CDK5RAP2: variants seen among roughly 807,000 people sequenced by gnomAD.
CDK5RAP2 encodes CDK5 regulatory subunit associated protein 2, also known as CDK5 regulatory subunit-associated protein 2.
CDK5RAP2 carries 147 observed loss-of-function variants against 232.9 expected under a neutral mutation model. The observed-to-expected ratio is 0.63, with a 90% CI of 0.55 to 0.72. CDK5RAP2 has a LOEUF of 0.72. Among genes scored for constraint, CDK5RAP2 ranks in the 30% least tolerant of loss-of-function variants. The pLI is 0.00. For missense variants in CDK5RAP2, 2,195 were observed against 2,231.5 expected (o/e 0.98, Z 0.33); for synonymous variants, 833 against 833.7 (o/e 1.00, Z 0.01).
At chr9:120,467,329 A>T (rs1183570420) in intron 18 of CDK5RAP2, among the ~76,000 whole-genome samples, 1 of 152,184 alleles carries the variant, frequency 6.6e-6, no homozygotes, top group East Asian at 1.9e-4. Flanking sequence ...GCTCATCCAG[A>T]TGTGTGCCAT....
At position 120,400,834 on chromosome 9, in the gene CDK5RAP2, T is replaced by G. The variant is rs587783395; in HGVS notation, c.5359A>C (p.Lys1787Gln). ...CTGTAGGCCTCTTCCAGGGTCAGCT[T>G]GGCCGTGCTCACACTGCTCACAAAC... ...SKFVSSVSTA[K>Q]LTLEEAYRRL... is the part of the protein sequence containing the mutation. The change falls in exon 35 of 38, where the codon AAG (lysine) becomes CAG (glutamine). Residue 1787 changes from lysine to glutamine, a missense_variant. Coordinates refer to ENST00000349780, the MANE Select transcript of CDK5RAP2 (RefSeq NM_018249.6). The G allele has an allele frequency of 6.2e-7, 1 of 1,614,194 alleles. No homozygotes were observed. Among genetic ancestry groups the G allele is most frequent in the Middle Eastern group, 1.7e-4 (1 of 6,060 alleles).
rs748675436 is a variant in CDK5RAP2, at chr9:120,439,385, G to A, written c.3722+14C>T. 3.1e-6 allele frequency: 5 copies of A among 1,608,392 alleles called. No homozygotes were observed. Among genetic ancestry groups the A allele is most frequent in the Middle Eastern group, 1.7e-4 (1 of 6,028 alleles). ...TACAGGCTTAAACGGGGAGACGGCAGAGGTGGAACGTACCTGGGAGGTGAG... is the reference window on the plus strand; with the variant it reads ...TACAGGCTTAAACGGGGAGACGGCAAAGGTGGAACGTACCTGGGAGGTGAG... On this transcript the variant is annotated intron_variant, in intron 24 of 37. Coordinates refer to ENST00000349780, the MANE Select transcript of CDK5RAP2 (RefSeq NM_018249.6).
At chr9:120,558,644 G>A (rs1431613870) in intron 3 of CDK5RAP2, among the ~76,000 whole-genome samples, 1 of 152,072 alleles carries the variant, frequency 6.6e-6, no homozygotes, top group Non-Finnish European at 1.5e-5. Flanking sequence ...TTCCAGTCCT[G>A]AAATAAGCCA....
chr9:120,444,915 T>C (rs1162041656), intron 22 of CDK5RAP2, among the ~76,000 whole-genome samples: 1 of 152,240 alleles, frequency 6.6e-6, no homozygotes, highest in African/African-American at 2.4e-5. Flanking sequence ...TTAGATCATG[T>C]ACTTAGAGTG....
chr9:120,418,464 C>T (rs1036877761), intron 27 of CDK5RAP2, among the ~76,000 whole-genome samples: 2 of 152,154 alleles, frequency 1.3e-5, no homozygotes, highest in Admixed American at 6.5e-5. Context: ...CCTTCTGGTT[C>T]CTCAATCAAG....
At chr9:120,447,717 C>A (rs2036268865) in intron 22 of CDK5RAP2, among the ~76,000 whole-genome samples, 178 bp downstream of exon 22, 1 of 152,342 alleles carries the variant, frequency 6.6e-6, no homozygotes, top group Middle Eastern at 3.4e-3. Context: ...GCAATAGATT[C>A]ATTCTCCTTA....
chr9:120,508,151 T>C (rs1302799935), intron 12 of CDK5RAP2, among the ~76,000 whole-genome samples: 1 of 151,998 alleles, frequency 6.6e-6, no homozygotes, highest in Non-Finnish European at 1.5e-5. Context: ...AGAAAGCTTG[T>C]CAAAGTGCTC....
rs1588251203 is a variant in CDK5RAP2, at chr9:120,407,426, G to A, written c.4727-178C>T. Reference sequence around the variant, plus strand: ...AACAAAAATATTGGCAGACTTAATTGCTGCTATTCCACACGCTAAATAAGA... The same window carrying A: ...AACAAAAATATTGGCAGACTTAATTACTGCTATTCCACACGCTAAATAAGA... On this transcript the variant is annotated intron_variant, in intron 31 of 37. Coordinates refer to ENST00000349780, the MANE Select transcript of CDK5RAP2 (RefSeq NM_018249.6). 3 of 644,704 alleles carry A rather than the reference G, an allele frequency of 4.7e-6. No individual in the cohort carries two copies. In the Admixed American group the frequency reaches 7.0e-5, roughly 15 times the overall value. 39.9% of individuals were successfully genotyped at this position (644,704 alleles called of 1,614,324 possible). A position where few individuals can be genotyped will look rare whatever the true frequency, so the allele number is the denominator to read the frequency against.
At chr9:120,503,203 T>C (rs995264169) in intron 12 of CDK5RAP2, among the ~76,000 whole-genome samples, 3 of 152,222 alleles carry the variant, frequency 2.0e-5, no homozygotes, top group Admixed American at 6.5e-5. Context: ...CTGAAATTAA[T>C]TTATCATTTC....
rs1024465590 is a variant in CDK5RAP2, at chr9:120,403,776, T to C, written c.5041+260A>G. 4.8e-5 allele frequency: 25 copies of C among 519,350 alleles called. No homozygotes were observed. The highest frequency in any genetic ancestry group is 4.6e-4 in the African/African-American group (24 of 52,002). 32.2% of individuals were successfully genotyped at this position (519,350 alleles called of 1,614,324 possible). A position where few individuals can be genotyped will look rare whatever the true frequency, so the allele number is the denominator to read the frequency against. ...CACTGGAGCTGGATCCTGGAGGGCC[T>C]TGAAAGCCTCACAAAGGTGGTCACA... On this transcript the variant is annotated intron_variant, in intron 33 of 37. Coordinates refer to ENST00000349780, the MANE Select transcript of CDK5RAP2 (RefSeq NM_018249.6). The surrounding 1 kb of genome is among the most constrained non-coding windows in gnomAD (Gnocchi z 4.2).
chr9:120,514,743 G>A (rs2040250184), intron 12 of CDK5RAP2, among the ~76,000 whole-genome samples: 1 of 152,088 alleles, frequency 6.6e-6, no homozygotes, highest in Admixed American at 6.6e-5. Flanking sequence ...CCTACCCATA[G>A]TATACTCACC....
At chr9:120,536,994 AC>A (rs1203141664) in intron 6 of CDK5RAP2, among the ~76,000 whole-genome samples, 2 of 151,796 alleles carry the variant, frequency 1.3e-5, no homozygotes, top group African/African-American at 2.4e-5. Flanking sequence ...AAAAAAAAAA[AC>A]AACTGTATGT....
At chr9:120,570,100 G>C (rs1440178467) in intron 2 of CDK5RAP2, among the ~76,000 whole-genome samples, 1 of 152,132 alleles carries the variant, frequency 6.6e-6, no homozygotes, top group African/African-American at 2.4e-5. Flanking sequence ...ACAAAAGGAA[G>C]GAGAGACAGC....
intron 13 of CDK5RAP2, 100 bp downstream of exon 13, chr9:120,491,207 C>A (rs2038886111): frequency 1.1e-6 from 1 of 904,864 alleles, no homozygotes; most frequent in Admixed American, 2.0e-5. Flanking sequence ...TGAAACATAG[C>A]AATGATTACT....
intron 3 of CDK5RAP2, among the ~76,000 whole-genome samples, chr9:120,551,875 C>T (rs1020148988): frequency 4.6e-5 from 7 of 151,920 alleles, no homozygotes; most frequent in African/African-American, 1.7e-4. Flanking sequence ...GTGCTGTGTG[C>T]AAAATAAACT....
intron 15 of CDK5RAP2, among the ~76,000 whole-genome samples, chr9:120,473,516 G>A (rs974072164): frequency 6.6e-6 from 1 of 152,176 alleles, no homozygotes; most frequent in African/African-American, 2.4e-5. Context: ...CCATCGGACT[G>A]CACACATAAA....
chr9:120,408,173 T>G, intron 31 of CDK5RAP2, 174 bp downstream of exon 31: 1 of 785,066 alleles, frequency 1.3e-6, no homozygotes, highest in Non-Finnish European at 2.2e-6. Context: ...CTATGTTTCC[T>G]GCTGTTCCTT....
intron 10 of CDK5RAP2, among the ~76,000 whole-genome samples, chr9:120,527,391 G>A (rs1357361274): frequency 1.3e-5 from 2 of 152,040 alleles, no homozygotes; most frequent in Non-Finnish European, 2.9e-5. Context: ...TGTGAAATGT[G>A]GTTAGCCTGA....
chr9:120,410,530 T>C (rs1227467518), intron 29 of CDK5RAP2, among the ~76,000 whole-genome samples: 2 of 152,202 alleles, frequency 1.3e-5, no homozygotes, highest in Non-Finnish European at 2.9e-5. Context: ...CAAGATTGTT[T>C]GGCTGTCTCT....
Sources: allele counts gnomAD v4.1 joint callset (sites outside exome capture counted in the v4.1 genomes callset), GRCh38; gene constraint gnomAD v4.1.1; non-coding constraint Gnocchi (gnomAD v3.1); transcripts MANE v1.5; gene names NCBI Gene and HGNC (gene_info 2026-07-23, HGNC 2026-07-21).